Variants in CDYL2 observed in about 807,000 individuals in gnomAD.
CDYL2 encodes chromodomain Y-like protein 2.
A neutral mutation model predicts 49.4 loss-of-function variants in CDYL2; 23 were observed. That is an observed-to-expected ratio of 0.47 (90% CI 0.34 to 0.66). The LOEUF is 0.66. Among genes scored for constraint, CDYL2 ranks in the 30% least tolerant of loss-of-function variants. The pLI is 0.01. For missense variants in CDYL2, 678 were observed against 656.4 expected (o/e 1.03, Z -0.36); for synonymous variants, 360 against 268.8 (o/e 1.34, Z -3.32).
chr16:80,758,788 C>A (rs899433397), intron 1 of CDYL2, among the ~76,000 whole-genome samples: 1 of 151,740 alleles, frequency 6.6e-6, no homozygotes, highest in Non-Finnish European at 1.5e-5. Context: ...CTGATCCGCC[C>A]GCCTCTGCCT....
At chr16:80,607,133 C>G (rs879363378) in intron 6 of CDYL2, among the ~76,000 whole-genome samples, 10 of 152,122 alleles carry the variant, frequency 6.6e-5, no homozygotes, top group African/African-American at 2.2e-4. Context: ...ATCAGAAATG[C>G]TCGTGGCCCG....
intron 1 of CDYL2, among the ~76,000 whole-genome samples, chr16:80,728,116 C>T (rs1487733315): frequency 1.3e-5 from 2 of 152,178 alleles, no homozygotes; most frequent in Admixed American, 6.5e-5. Flanking sequence ...CTTTGACGAG[C>T]TGAGAGAAGA....
intron 1 of CDYL2, among the ~76,000 whole-genome samples, chr16:80,792,814 G>A (rs924731064): frequency 7.9e-5 from 12 of 152,248 alleles, no homozygotes; most frequent in African/African-American, 2.9e-4. Flanking sequence ...CCCTCAAAGG[G>A]AACTGCCCTC....
chr16:80,609,608 G>A (rs915304217), intron 5 of CDYL2, among the ~76,000 whole-genome samples: 1 of 152,190 alleles, frequency 6.6e-6, no homozygotes, highest in Non-Finnish European at 1.5e-5. Context: ...TGGGAGAAGG[G>A]GCAAATGGCC....
rs147688197 is a variant in CDYL2 at position 80,624,039 on chromosome 16, G to C, written c.835-3104C>G. 2.7e-3 allele frequency among the ~76,000 whole-genome samples: 404 copies of C among 152,226 alleles called. 5 individuals are homozygous for C. The highest frequency in any genetic ancestry group is 4.1e-3 in the Non-Finnish European group (282 of 68,010). On this transcript the variant is annotated intron_variant, in intron 3 of 6. Transcript: ENST00000570137. Reference sequence around the variant, plus strand: ...TCCAGACCCTCCAAGTCTGTGTACTGACTGAAGCAATCCCCCTCACACCCC... The same window carrying C: ...TCCAGACCCTCCAAGTCTGTGTACTCACTGAAGCAATCCCCCTCACACCCC...
intron 1 of CDYL2, among the ~76,000 whole-genome samples, chr16:80,737,356 G>C (rs1905572717): frequency 6.6e-6 from 1 of 152,166 alleles, no homozygotes; most frequent in Non-Finnish European, 1.5e-5. Flanking sequence ...CGAGTCCTTG[G>C]AACAACCTTA....
At chr16:80,642,630 C>T (rs1222208477) in intron 2 of CDYL2, among the ~76,000 whole-genome samples, 2 of 152,070 alleles carry the variant, frequency 1.3e-5, no homozygotes, top group African/African-American at 4.8e-5. Context: ...CTTACAGTTC[C>T]ACGTGGCTGG....
intron 1 of CDYL2, among the ~76,000 whole-genome samples, chr16:80,751,565 C>G (rs1412544341): frequency 1.3e-5 from 2 of 152,166 alleles, no homozygotes; most frequent in African/African-American, 2.4e-5. Flanking sequence ...GATGGAAAAG[C>G]TAGGACAGAA....
At chr16:80,640,704 C>G (rs375900268) in intron 2 of CDYL2, among the ~76,000 whole-genome samples, 2 of 152,056 alleles carry the variant, frequency 1.3e-5, no homozygotes, top group African/African-American at 4.8e-5. Flanking sequence ...AAAAATAACA[C>G]AGAGAAGGAA....
chr16:80,640,347 C>G (rs536436803), intron 2 of CDYL2, among the ~76,000 whole-genome samples: 1 of 152,116 alleles, frequency 6.6e-6, no homozygotes, highest in Non-Finnish European at 1.5e-5. Context: ...GAACCTGCTG[C>G]CTTCAAGGGA....
At chr16:80,651,526 A>G (rs761720208) in intron 2 of CDYL2, among the ~76,000 whole-genome samples, 1 of 152,236 alleles carries the variant, frequency 6.6e-6, no homozygotes, top group Non-Finnish European at 1.5e-5. Flanking sequence ...GGAGAATACT[A>G]GACATTAAGC....
intron 1 of CDYL2, among the ~76,000 whole-genome samples, chr16:80,686,699 T>G (rs1380854014): frequency 1.8e-4 from 28 of 152,376 alleles, no homozygotes. Flanking sequence ...GTCTCATCAA[T>G]GGCTTTTGCA....
chr16:80,708,188 T>G (rs945962910), intron 1 of CDYL2, among the ~76,000 whole-genome samples: 1 of 152,184 alleles, frequency 6.6e-6, no homozygotes, highest in South Asian at 2.1e-4. Context: ...TATCTTGTCA[T>G]ATGGTTTGGC....
At chr16:80,691,438 A>C (rs1225103888) in intron 1 of CDYL2, among the ~76,000 whole-genome samples, 1 of 152,192 alleles carries the variant, frequency 6.6e-6, no homozygotes, top group Non-Finnish European at 1.5e-5. Context: ...TGGCTGTCAG[A>C]CCAAGAAGTT....
At chr16:80,619,633 G>A (rs920831439) in intron 4 of CDYL2, among the ~76,000 whole-genome samples, 9 of 152,160 alleles carry the variant, frequency 5.9e-5, no homozygotes, top group Non-Finnish European at 1.3e-4. Flanking sequence ...CTGGGACCAC[G>A]CAAAGCGCAA....
chr16:80,760,471 A>G (rs562843865), intron 1 of CDYL2, among the ~76,000 whole-genome samples: 1 of 152,338 alleles, frequency 6.6e-6, no homozygotes, highest in South Asian at 2.1e-4. Flanking sequence ...ACATTTTAAA[A>G]TAACTAAGAG....
intron 1 of CDYL2, among the ~76,000 whole-genome samples, chr16:80,717,474 AC>A (rs1187202769): frequency 6.6e-6 from 1 of 152,252 alleles, no homozygotes; most frequent in Non-Finnish European, 1.5e-5. Context: ...GTGGATGGAG[AC>A]AGAGGTAACC....
intron 1 of CDYL2, among the ~76,000 whole-genome samples, chr16:80,795,664 A>G (rs1907749812): frequency 6.6e-6 from 1 of 152,282 alleles, no homozygotes; most frequent in East Asian, 1.9e-4. Context: ...AGACAAGGAT[A>G]AATTTCAGGC....
chr16:80,726,126 G>T (rs1266911912), intron 1 of CDYL2, among the ~76,000 whole-genome samples: 1 of 152,222 alleles, frequency 6.6e-6, no homozygotes, highest in Non-Finnish European at 1.5e-5. Context: ...TTGCTCATCA[G>T]TTCAAACGGT....
Sources: gnomAD v4.1 joint callset for allele counts (sites outside exome capture counted in the v4.1 genomes callset) on GRCh38, gnomAD v4.1.1 for gene constraint, MANE v1.5 for transcripts, NCBI Gene and HGNC (gene_info 2026-07-23, HGNC 2026-07-21) for gene names.